Variants in KNDC1 observed in about 807,000 individuals in gnomAD.
KNDC1 encodes the protein kinase non-catalytic C-lobe domain-containing protein 1.
Under a neutral mutation model 172.8 loss-of-function variants are expected in KNDC1, and 106 were observed. The observed-to-expected ratio is 0.61, with a 90% CI of 0.52 to 0.72. The LOEUF is 0.72. Among genes scored for constraint, KNDC1 ranks in the 30% least tolerant of loss-of-function variants. The probability of loss-of-function intolerance (pLI) is 0.00; values close to 1 mark genes in which losing one functional copy is unlikely to be tolerated. For missense variants in KNDC1, 2,325 were observed against 2,394.5 expected (o/e 0.97, Z 0.61); for synonymous variants, 1,083 against 1,062.2 (o/e 1.02, Z -0.38).
intron 1 of KNDC1, among the ~76,000 whole-genome samples, chr10:133,160,839 T>C (rs1226388313): frequency 6.6e-6 from 1 of 151,238 alleles, no homozygotes; most frequent in Non-Finnish European, 1.5e-5. Context: ...GGCGGGACAG[T>C]GTGGGGGCAG....
Position 133,170,335 on chromosome 10 carries a change from G to A in KNDC1, c.360+2023G>A, listed in dbSNP as rs530119094. Among the ~76,000 whole-genome samples, 27 of 152,264 alleles carry A rather than the reference G, an allele frequency of 1.8e-4. 1 individual carries two copies. The highest frequency in any genetic ancestry group is 1.7e-3 in the East Asian group (9 of 5,164). ...TGAGGATCGCTGGCTCCTGCAGGAC[G>A]TGGACGTGGCAGGGGCCTGGGATCT... On this transcript the variant is annotated intron_variant, in intron 3 of 29. Coordinates refer to ENST00000304613, the MANE Select transcript of KNDC1 (RefSeq NM_152643.8).
Position 133,200,915 on chromosome 10 carries a change from CCCAG to C in KNDC1, c.2989+457_2989+460del, listed in dbSNP as rs1392829551. Among the ~76,000 whole-genome samples, 6 of 152,298 alleles carry C rather than the reference CCCAG, an allele frequency of 3.9e-5. No individual in the cohort carries two copies. The East Asian group carries it at 1.2e-3, about 29-fold the overall frequency. On this transcript the variant is annotated intron_variant, in intron 16 of 29. Transcript: ENST00000304613. ...CACATGAGTGCCAGGCTGGGGACGT[CCCAG>C]CGTCCAGCCAGCAGGCTTGGTGTTA...
chr10:133,197,264 G>T, intron 11 of KNDC1, 129 bp downstream of exon 11: 1 of 725,380 alleles, frequency 1.4e-6, no homozygotes, highest in South Asian at 1.6e-5. Context: ...CCGAGCTGTG[G>T]GTGGGTGCAT....
intron 10 of KNDC1, 142 bp from the exon 11 acceptor site, chr10:133,196,916 G>A (rs1370644505): frequency 1.4e-5 from 9 of 647,280 alleles, no homozygotes; most frequent in Non-Finnish European, 2.5e-5. Flanking sequence ...CTTGTCCGGG[G>A]CCTGTAGTTG....
Position 133,214,066 on chromosome 10 carries a change from G to T in KNDC1, c.4621G>T (p.Ala1541Ser). The T allele has an allele frequency of 6.2e-7, 1 of 1,614,184 alleles. No individual in the cohort carries two copies. The highest frequency in any genetic ancestry group is 8.5e-7 in the Non-Finnish European group (1 of 1,180,014). Residue 1541 changes from alanine (A) to serine (S), a missense_variant, in exon 26 of 30, where the codon GCA becomes TCA. Ala to Ser is a moderately conservative substitution (Grantham distance 99, BLOSUM62 1). Coordinates refer to ENST00000304613, the MANE Select transcript of KNDC1 (RefSeq NM_152643.8). ...DKYLLQLLRN[A>S]DDVSTWVAAE... ...GTATCTGTTACAGCTTCTAAGAAAC[G>T]CAGATGACGTCAGCACCTGGGTGGC... is the stretch of plus-strand genomic sequence containing the variant.
At chr10:133,204,032 T>G (rs1244511982) in intron 17 of KNDC1, among the ~76,000 whole-genome samples, 1 of 152,190 alleles carries the variant, frequency 6.6e-6, no homozygotes, top group Non-Finnish European at 1.5e-5. Flanking sequence ...TTTCTCGACA[T>G]CAGCACCTCT....
rs932914111 is a variant in KNDC1, at chr10:133,224,024, G to A, written c.5019-635G>A. Among the ~76,000 whole-genome samples the A allele has an allele frequency of 4.8e-5, 7 of 146,574 alleles. No homozygotes were observed. Among genetic ancestry groups the A allele is most frequent in the African/African-American group, 1.0e-4 (4 of 39,090 alleles). ...GAGCCCATCCAGGCATGCTCTTCCC[G>A]GCGTGTGTGTGTGTGAGAGCCCATC... is the stretch of plus-strand genomic sequence containing the variant. On this transcript the variant is annotated intron_variant, in intron 29 of 29. Coordinates refer to ENST00000304613, the MANE Select transcript of KNDC1 (RefSeq NM_152643.8). The surrounding 1 kb of genome is among the most constrained non-coding windows in gnomAD (Gnocchi z 5.4).
chr10:133,200,468 C>A lies in KNDC1; in HGVS notation c.2989+8C>A. 6.5e-7 allele frequency: 1 copy of A among 1,537,542 alleles called. No individual in the cohort carries two copies. The stretch of plus-strand genomic sequence containing the variant: ...CGTCGCTGCACCGCCTGGGTAAGTG[C>A]TGGGCGGGCCCCGCGGCAGGAGCTC... On this transcript the variant is annotated splice_region_variant and intron_variant, in intron 16 of 29. Coordinates refer to ENST00000304613, the MANE Select transcript of KNDC1 (RefSeq NM_152643.8).
intron 29 of KNDC1, among the ~76,000 whole-genome samples, chr10:133,222,333 C>G (rs1845614254): frequency 6.6e-6 from 1 of 152,242 alleles, no homozygotes; most frequent in Admixed American, 6.5e-5. Context: ...GAAAACAAGC[C>G]AAGAGTGGCA....
At chr10:133,181,932 C>T (rs555782828) in intron 3 of KNDC1, among the ~76,000 whole-genome samples, 2 of 152,184 alleles carry the variant, frequency 1.3e-5, no homozygotes, top group East Asian at 1.9e-4. Context: ...GTGCTGGGTG[C>T]ACCTGGTTTC....
intron 1 of KNDC1, chr10:133,167,038 A>C: frequency 2.7e-6 from 1 of 367,552 alleles, no homozygotes; most frequent in Non-Finnish European, 5.1e-6. Flanking sequence ...TCCACAGGCC[A>C]GTCCAGCCGT....
chr10:133,162,755 G>T (rs1853018551), intron 1 of KNDC1, among the ~76,000 whole-genome samples: 3 of 152,260 alleles, frequency 2.0e-5, no homozygotes, highest in Admixed American at 2.0e-4. Context: ...CCAGTGGGAG[G>T]ACAAATGGAG....
At position 133,185,093 on chromosome 10, in the gene KNDC1, C is replaced by T. The variant is rs1337623019; in HGVS notation, c.626-881C>T. ...CGGCCACGAGGAGTCTCATGGTGGC[C>T]GGCAGGGCCCTCCCTGCTGAATGAG... On this transcript the variant is annotated intron_variant, in intron 5 of 29. Transcript: ENST00000304613. 3.3e-5 allele frequency among the ~76,000 whole-genome samples: 5 copies of T among 152,234 alleles called. No homozygotes were observed. The East Asian group carries it at 5.8e-4, about 18-fold the overall frequency.
At chr10:133,212,661 CT>C (rs1224756555) in intron 23 of KNDC1, 54 bp from the exon 24 acceptor site, 3 of 1,523,920 alleles carry the variant, frequency 2.0e-6, no homozygotes, top group Admixed American at 3.4e-5. Flanking sequence ...CCCTGGACCC[CT>C]GACCCAGAGG....
rs763460009 is a variant in KNDC1 at position 133,201,484 on chromosome 10, C to T, written c.2990-17C>T. The T allele has an allele frequency of 3.9e-5, 61 of 1,575,996 alleles. 1 individual carries two copies. In the East Asian group the frequency reaches 4.3e-4, roughly 11 times the overall value. ...CAGGAGCCACTGTCCACGTAACCTG[C>T]GTCTCTTTCTTTCAAGGAAAAGAGA... On this transcript the variant is annotated splice_polypyrimidine_tract_variant and intron_variant, in intron 16 of 29. Coordinates refer to ENST00000304613, the MANE Select transcript of KNDC1 (RefSeq NM_152643.8).
intron 1 of KNDC1, among the ~76,000 whole-genome samples, 185 bp downstream of exon 1, chr10:133,160,754 C>T (rs1457820135): frequency 6.6e-6 from 1 of 152,148 alleles, no homozygotes; most frequent in Non-Finnish European, 1.5e-5. Context: ...ACAGCACCCC[C>T]GAATGCGCAC....
chr10:133,194,980 G>A (rs1253143581), intron 9 of KNDC1, among the ~76,000 whole-genome samples: 2 of 152,172 alleles, frequency 1.3e-5, no homozygotes, highest in African/African-American at 4.8e-5. Flanking sequence ...GGGTCTGTCC[G>A]GCTTCACTTC....
At position 133,211,183 on chromosome 10, in the gene KNDC1, G is replaced by GC. The variant is rs892380304; in HGVS notation, c.3909-232dup. On this transcript the variant is annotated intron_variant, in intron 21 of 29. Transcript: ENST00000304613. Reference sequence around the variant, plus strand: ...CTGCCTCTCTCTGGGCTGATCTGCTGCCCCCCCAGGACACTCCACGCACCC... The same window carrying GC: ...CTGCCTCTCTCTGGGCTGATCTGCTGCCCCCCCCAGGACACTCCACGCACCC... Among the ~76,000 whole-genome samples, 16 of 151,928 alleles carry GC rather than the reference G, an allele frequency of 1.1e-4. No individual in the cohort carries two copies. In the South Asian group the frequency reaches 1.5e-3, roughly 14 times the overall value.
chr10:133,195,999 G>A (rs1171101964), intron 10 of KNDC1, among the ~76,000 whole-genome samples, 178 bp downstream of exon 10: 1 of 152,238 alleles, frequency 6.6e-6, no homozygotes, highest in African/African-American at 2.4e-5. Context: ...GGGGAAGGGA[G>A]TGGGTTTCGC....
Sources: gnomAD v4.1 joint callset for allele counts (sites outside exome capture counted in the v4.1 genomes callset) on GRCh38, gnomAD v4.1.1 for gene constraint, Gnocchi (gnomAD v3.1) non-coding constraint, MANE v1.5 for transcripts, NCBI Gene and HGNC (gene_info 2026-07-23, HGNC 2026-07-21) for gene names.